Variants in SORCS3 observed in about 807,000 individuals in gnomAD.
SORCS3 encodes the protein VPS10 domain-containing receptor SorCS3.
Under a neutral mutation model 146.3 loss-of-function variants are expected in SORCS3, and 57 were observed. That is an observed-to-expected ratio of 0.39 (90% CI 0.31 to 0.49). The LOEUF is 0.49. Among genes scored for constraint, SORCS3 ranks in the 20% least tolerant of loss-of-function variants. The pLI is 0.92. For missense variants in SORCS3, 1,341 were observed against 1,575.5 expected (o/e 0.85, Z 2.52); for synonymous variants, 653 against 618.5 (o/e 1.06, Z -0.83).
chr10:105,191,380 A>G (rs531012821), intron 14 of SORCS3, among the ~76,000 whole-genome samples: 1 of 152,336 alleles, frequency 6.6e-6, no homozygotes, highest in East Asian at 1.9e-4. Flanking sequence ...TAAAAGGAAT[A>G]ACCTACCAAG....
At chr10:104,940,227 TATATATATATA>T (rs1486618625) in intron 3 of SORCS3, among the ~76,000 whole-genome samples, 490 of 17,720 alleles carry the variant, frequency 0.028, 4 homozygotes, top group African/African-American at 0.14. Context: ...TATATATATA[TATATATATATA>T]TTTTTTTTTT....
intron 2 of SORCS3, among the ~76,000 whole-genome samples, chr10:104,882,735 T>C (rs2018643736): frequency 6.6e-6 from 1 of 152,188 alleles, no homozygotes; most frequent in Non-Finnish European, 1.5e-5. Flanking sequence ...TACAGCCCAG[T>C]CCTCTTGCTT....
At chr10:105,150,387 A>C (rs2056160218) in intron 9 of SORCS3, among the ~76,000 whole-genome samples, 2 of 152,276 alleles carry the variant, frequency 1.3e-5, no homozygotes, top group Admixed American at 6.5e-5. Flanking sequence ...GCACTGATGT[A>C]AAAAGGATGT....
chr10:104,824,637 G>A (rs762653064), intron 1 of SORCS3, among the ~76,000 whole-genome samples: 21 of 152,206 alleles, frequency 1.4e-4, no homozygotes, highest in Non-Finnish European at 2.8e-4. Context: ...CCAGGTGCTG[G>A]AGATATAACT....
At chr10:104,851,041 G>T (rs1185827737) in intron 2 of SORCS3, among the ~76,000 whole-genome samples, 1 of 152,086 alleles carries the variant, frequency 6.6e-6, no homozygotes, top group Non-Finnish European at 1.5e-5. Flanking sequence ...TTAAACATAG[G>T]GAGCATCATG....
intron 6 of SORCS3, among the ~76,000 whole-genome samples, chr10:105,104,138 C>T (rs1033713522): frequency 6.6e-6 from 1 of 152,036 alleles, no homozygotes; most frequent in African/African-American, 2.4e-5. Context: ...CTCTGTAGCC[C>T]CTGACACCTC....
chr10:104,787,783 G>A (rs368400196), intron 1 of SORCS3, among the ~76,000 whole-genome samples: 2 of 152,096 alleles, frequency 1.3e-5, no homozygotes, highest in East Asian at 1.9e-4. Context: ...CCCTGGCCCC[G>A]AATCCCCAGT....
At chr10:105,153,610 CAGAG>C (rs1370091049) in intron 9 of SORCS3, among the ~76,000 whole-genome samples, 1 of 147,632 alleles carries the variant, frequency 6.8e-6, no homozygotes, top group African/African-American at 2.5e-5. Flanking sequence ...CTTGGTTTGA[CAGAG>C]AGAGAGGAGA....
intron 6 of SORCS3, among the ~76,000 whole-genome samples, chr10:105,093,289 T>G (rs1368265192): frequency 6.6e-6 from 1 of 152,188 alleles, no homozygotes; most frequent in Non-Finnish European, 1.5e-5. Context: ...ATCATAGATC[T>G]AAATATAAAA....
chr10:105,184,744 C>T lies in SORCS3; in HGVS notation c.2009+6571C>T, dbSNP rs114118409. 4.6e-3 allele frequency among the ~76,000 whole-genome samples: 694 copies of T among 152,298 alleles called. 5 individuals are homozygous for T. Among genetic ancestry groups the T allele is most frequent in the African/African-American group, 0.016 (670 of 41,562 alleles). ...ATATGTACAACCATGACCATCACCA[C>T]AATTGCAGTTACTAAACATATCCTA... On this transcript the variant is annotated intron_variant, in intron 14 of 26. Transcript: ENST00000369701.
chr10:104,821,004 G>C (rs1157054728), intron 1 of SORCS3, among the ~76,000 whole-genome samples: 1 of 152,156 alleles, frequency 6.6e-6, no homozygotes, highest in African/African-American at 2.4e-5. Context: ...TGAACAGAAA[G>C]GACTAGATGT....
At chr10:104,661,269 G>T (rs1018565719) in intron 1 of SORCS3, among the ~76,000 whole-genome samples, 2 of 152,222 alleles carry the variant, frequency 1.3e-5, no homozygotes. Flanking sequence ...GAATGAGGAC[G>T]AGTCTTGTAA....
chr10:105,047,245 T>C (rs2055379839), intron 5 of SORCS3, among the ~76,000 whole-genome samples: 1 of 152,040 alleles, frequency 6.6e-6, no homozygotes, highest in Non-Finnish European at 1.5e-5. Flanking sequence ...GGGCATCTTT[T>C]CCAATGAAGT....
At chr10:104,995,867 A>G (rs2055023880) in intron 4 of SORCS3, among the ~76,000 whole-genome samples, 2 of 152,174 alleles carry the variant, frequency 1.3e-5, no homozygotes, top group Non-Finnish European at 1.5e-5. Flanking sequence ...GCCTTTTACT[A>G]GCTGCTATTA....
intron 20 of SORCS3, among the ~76,000 whole-genome samples, chr10:105,235,436 C>CTGTG (rs5787570): frequency 0.016 from 2,218 of 141,270 alleles, 27 homozygotes; most frequent in Middle Eastern, 0.032. Flanking sequence ...AACTCTCAGA[C>CTGTG]TGTGTGTGTG....
intron 2 of SORCS3, among the ~76,000 whole-genome samples, chr10:104,870,847 A>G (rs995909020): frequency 2.6e-5 from 4 of 152,178 alleles, no homozygotes; most frequent in Admixed American, 6.5e-5. Flanking sequence ...GAATTTCCCA[A>G]TGGACCCACC....
chr10:104,973,821 T>C (rs1169652634), intron 3 of SORCS3, among the ~76,000 whole-genome samples: 1 of 146,842 alleles, frequency 6.8e-6, no homozygotes, highest in Non-Finnish European at 1.5e-5. Flanking sequence ...CTGCTTTCTC[T>C]TGTGGGCATT....
chr10:104,990,612 C>T (rs1248555782), intron 4 of SORCS3, among the ~76,000 whole-genome samples: 2 of 152,210 alleles, frequency 1.3e-5, no homozygotes, highest in Admixed American at 1.3e-4. Flanking sequence ...CCTGGGACAC[C>T]TGTGAATATG....
intron 5 of SORCS3, among the ~76,000 whole-genome samples, chr10:105,081,823 AT>A (rs1177027151): frequency 6.6e-6 from 1 of 152,158 alleles, no homozygotes; most frequent in Non-Finnish European, 1.5e-5. Flanking sequence ...TTCTTATGCT[AT>A]TATTGAGCTC....
Sources: allele counts gnomAD v4.1 joint callset (sites outside exome capture counted in the v4.1 genomes callset), GRCh38; gene constraint gnomAD v4.1.1; transcripts MANE v1.5; gene names NCBI Gene and HGNC (gene_info 2026-07-23, HGNC 2026-07-21).